SH3BP4: variants seen among roughly 807,000 people sequenced by gnomAD.
The protein encoded by SH3BP4 is SH3 domain-binding protein 4.
A neutral mutation model predicts 65.5 loss-of-function variants in SH3BP4; 33 were observed. The ratio of observed to expected loss-of-function variants is 0.50; its 90% CI spans 0.38 to 0.67. The LOEUF (loss-of-function observed/expected upper bound fraction) is 0.67. Among genes scored for constraint, SH3BP4 ranks in the 30% least tolerant of loss-of-function variants. The pLI, the probability that SH3BP4 is intolerant of heterozygous loss-of-function variation, is 0.00. For synonymous variants in SH3BP4, 552 were observed against 545.5 expected (o/e 1.01, Z -0.17); for missense variants, 1,134 against 1,261.4 (o/e 0.90, Z 1.53).
intron 2 of SH3BP4, among the ~76,000 whole-genome samples, chr2:235,020,931 T>G (rs564429048): frequency 1.3e-5 from 2 of 152,310 alleles, no homozygotes; most frequent in South Asian, 4.1e-4. Flanking sequence ...CTCATAATCT[T>G]GACACCAGGG....
chr2:235,051,774 C>CT (rs997454761), intron 4 of SH3BP4, among the ~76,000 whole-genome samples: 80 of 152,284 alleles, frequency 5.3e-4, no homozygotes, highest in African/African-American at 1.9e-3. Context: ...GCGGTGCTCT[C>CT]TAACTGGCCA....
Position 234,974,091 on chromosome 2 carries a change from C to A in SH3BP4, c.-206-21212C>A, listed in dbSNP as rs1029593857. Among the ~76,000 whole-genome samples the A allele has an allele frequency of 6.6e-6, 1 of 152,038 alleles. No homozygotes were observed. Among genetic ancestry groups the A allele is most frequent in the African/African-American group, 2.4e-5 (1 of 41,416 alleles). ...ATTTAGCGATTTGTGAAGGACCTGG[C>A]GCAGTGGCTCACCCCTGTAATCCCA... On this transcript the variant is annotated intron_variant, in intron 1 of 5. Coordinates refer to ENST00000392011, the MANE Select transcript of SH3BP4 (RefSeq NM_014521.3). The surrounding 1 kb of genome is among the most constrained non-coding windows in gnomAD (Gnocchi z 4.6).
chr2:234,991,775 C>T lies in SH3BP4; in HGVS notation c.-206-3528C>T, dbSNP rs980961687. Among the ~76,000 whole-genome samples, 1 of 152,110 alleles carries T rather than the reference C, an allele frequency of 6.6e-6. No individual in the cohort carries two copies. Among genetic ancestry groups the T allele is most frequent in the Non-Finnish European group, 1.5e-5 (1 of 68,018 alleles). ...GTGGAAAGGGGCCAGCGGTCTTGTC[C>T]ACTGAATCCATCCACTGGGACCTCC... is the stretch of plus-strand genomic sequence containing the variant. On this transcript the variant is annotated intron_variant, in intron 1 of 5. Transcript: ENST00000392011. The surrounding 1 kb of genome is among the most constrained non-coding windows in gnomAD (Gnocchi z 4.2).
intron 2 of SH3BP4, among the ~76,000 whole-genome samples, chr2:235,006,732 C>T (rs940897671): frequency 2.6e-5 from 4 of 152,138 alleles, no homozygotes; most frequent in African/African-American, 7.2e-5. Context: ...TGGAAGCGTC[C>T]GTCTGTACTA....
In SH3BP4 at chr2:235,052,819, C is replaced by A; in HGVS notation, c.2667+69C>A. On this transcript the variant is annotated intron_variant, in intron 5 of 5. Coordinates refer to ENST00000392011, the MANE Select transcript of SH3BP4 (RefSeq NM_014521.3). The surrounding 1 kb of genome is among the most constrained non-coding windows in gnomAD (Gnocchi z 5.0). ...CTGGGTTCCGTGGACCCATGCAGTGCAGCCATAAAAAGTCTTGCCTCGCGG... is the reference window on the plus strand; with the variant it reads ...CTGGGTTCCGTGGACCCATGCAGTGAAGCCATAAAAAGTCTTGCCTCGCGG... 1 of 1,410,874 alleles carries A rather than the reference C, an allele frequency of 7.1e-7. No homozygotes were observed. The highest frequency in any genetic ancestry group is 9.5e-7 in the Non-Finnish European group (1 of 1,054,332). 87.4% of individuals were successfully genotyped at this position (1,410,874 alleles called of 1,614,324 possible). A position where few individuals can be genotyped will look rare whatever the true frequency, so the allele number is the denominator to read the frequency against.
chr2:235,005,196 G>T (rs1237075408), intron 2 of SH3BP4, among the ~76,000 whole-genome samples: 2 of 152,188 alleles, frequency 1.3e-5, no homozygotes, highest in African/African-American at 4.8e-5. Flanking sequence ...GCAGCTTCCT[G>T]GGCATGCCCT....
In SH3BP4 at chr2:234,974,036, A is replaced by T. The variant is rs545138284; in HGVS notation, c.-206-21267A>T. On this transcript the variant is annotated intron_variant, in intron 1 of 5. Transcript: ENST00000392011. This position sits in a 1 kb window ranked among gnomAD's most constrained non-coding sequence, Gnocchi z 4.6. ...TCAACAGGGGAGGCTTTCAGAACTC[A>T]GCAGCTCCTCACTGGCTCTGGGAAA... Among the ~76,000 whole-genome samples, 2 of 152,228 alleles carry T rather than the reference A, an allele frequency of 1.3e-5. No homozygotes were observed. Among genetic ancestry groups the T allele is most frequent in the South Asian group, 2.1e-4 (1 of 4,814 alleles).
At chr2:235,014,976 G>C (rs1694642828) in intron 2 of SH3BP4, among the ~76,000 whole-genome samples, 1 of 152,236 alleles carries the variant, frequency 6.6e-6, no homozygotes, top group South Asian at 2.1e-4. Context: ...GCCAAAAGGT[G>C]CTTGCTCACA....
intron 2 of SH3BP4, among the ~76,000 whole-genome samples, chr2:235,019,431 G>A (rs961064273): frequency 5.7e-5 from 8 of 140,140 alleles, no homozygotes; most frequent in South Asian, 2.4e-4. Flanking sequence ...TGGGAAGGGC[G>A]AATTTTTTTT....
intron 1 of SH3BP4, among the ~76,000 whole-genome samples, chr2:234,973,578 C>A (rs1693063016): frequency 6.6e-6 from 1 of 152,172 alleles, no homozygotes; most frequent in Admixed American, 6.5e-5. Context: ...ACGTACCCCC[C>A]TGAACAGACA....
chr2:234,972,285 C>A (rs755441877), intron 1 of SH3BP4, among the ~76,000 whole-genome samples: 15 of 152,082 alleles, frequency 9.9e-5, no homozygotes, highest in Middle Eastern at 3.4e-3. Flanking sequence ...GCACGCACCA[C>A]CATGCCCGGC....
chr2:235,049,392 A>G (rs982237673), intron 4 of SH3BP4, among the ~76,000 whole-genome samples: 1 of 152,234 alleles, frequency 6.6e-6, no homozygotes, highest in African/African-American at 2.4e-5. Context: ...GGAGCCAGGC[A>G]GCTGTGCACA....
At chr2:235,029,087 G>T (rs561355970) in intron 2 of SH3BP4, among the ~76,000 whole-genome samples, 1 of 152,248 alleles carries the variant, frequency 6.6e-6, no homozygotes, top group East Asian at 1.9e-4. Flanking sequence ...CAGGCCGCAG[G>T]CAGGCCTGCT....
intron 1 of SH3BP4, among the ~76,000 whole-genome samples, chr2:234,989,784 A>G (rs1287955705): frequency 6.6e-6 from 1 of 152,292 alleles, no homozygotes; most frequent in Non-Finnish European, 1.5e-5. Flanking sequence ...AAATAGAAAG[A>G]CGTTCTTTGT....
intron 2 of SH3BP4, among the ~76,000 whole-genome samples, chr2:235,003,538 C>T (rs1474049231): frequency 2.6e-5 from 4 of 152,210 alleles, no homozygotes; most frequent in Non-Finnish European, 5.9e-5. Flanking sequence ...TGTGTGTAGC[C>T]TGGACTCTGG....
At position 234,997,688 on chromosome 2, in the gene SH3BP4, C is replaced by A. The variant is rs1438177394; in HGVS notation, c.-133+2312C>A. 6.6e-6 allele frequency among the ~76,000 whole-genome samples: 1 copy of A among 152,164 alleles called. No individual in the cohort carries two copies. Among genetic ancestry groups the A allele is most frequent in the Non-Finnish European group, 1.5e-5 (1 of 68,028 alleles). On this transcript the variant is annotated intron_variant, in intron 2 of 5. Transcript: ENST00000392011. This position sits in a 1 kb window ranked among gnomAD's most constrained non-coding sequence, Gnocchi z 4.2. ...TGGCTGGGAAGGGTGAGCTCCAGCC[C>A]CCGGTGGCTTGAACACCCTCTGTAG...
chr2:235,003,093 C>T (rs760115186), intron 2 of SH3BP4, among the ~76,000 whole-genome samples: 4 of 152,270 alleles, frequency 2.6e-5, no homozygotes, highest in South Asian at 2.1e-4. Context: ...TTGGATGCTA[C>T]GTTTCTTTAG....
Position 235,053,674 on chromosome 2 carries a change from T to C in SH3BP4, c.2750T>C (p.Leu917Pro), listed in dbSNP as rs1210676114. 6.2e-7 allele frequency: 1 copy of C among 1,614,186 alleles called. No individual in the cohort carries two copies. Among genetic ancestry groups the C allele is most frequent in the Non-Finnish European group, 8.5e-7 (1 of 1,179,992 alleles). Residue 917 changes from leucine to proline, a missense_variant, in exon 6 of 6, where the codon CTG becomes CCG. Leu to Pro is a moderately conservative substitution (Grantham distance 98). Transcript: ENST00000392011. Reference sequence around the variant, plus strand: ...AGCTACCGGGATGTCATCCAGGAGCTGCACCTGGGCCTGGACAAGATGAAA... The same window carrying C: ...AGCTACCGGGATGTCATCCAGGAGCCGCACCTGGGCCTGGACAAGATGAAA... ...GDSYRDVIQE[L>P]HLGLDKMKNP...
At chr2:235,011,277 C>T (rs1027684709) in intron 2 of SH3BP4, among the ~76,000 whole-genome samples, 7 of 152,114 alleles carry the variant, frequency 4.6e-5, no homozygotes, top group South Asian at 2.1e-4. Context: ...TGGCAGTCTT[C>T]GTTAGCTTAA....
Sources: gnomAD v4.1 joint callset for allele counts (sites outside exome capture counted in the v4.1 genomes callset) on GRCh38, gnomAD v4.1.1 for gene constraint, Gnocchi (gnomAD v3.1) non-coding constraint, MANE v1.5 for transcripts, NCBI Gene and HGNC (gene_info 2026-07-23, HGNC 2026-07-21) for gene names.